TENM3: variants seen among roughly 807,000 people sequenced by gnomAD.
TENM3 encodes teneurin transmembrane protein 3, also known as teneurin-3.
In TENM3, 63 loss-of-function variants were observed where a neutral mutation model predicts 255.1. That is an observed-to-expected ratio of 0.25 (90% CI 0.20 to 0.30). The LOEUF (loss-of-function observed/expected upper bound fraction) is 0.30. TENM3 is among the 10% of genes least tolerant of loss of function. TENM3 has a pLI of 1.00. For synonymous variants in TENM3, 1,306 were observed against 1,322.3 expected (o/e 0.99, Z 0.27); for missense variants, 2,929 against 3,461.1 (o/e 0.85, Z 3.86).
At chr4:181,929,770 CAT>C in the TENM3 span, among the ~76,000 whole-genome samples, 1 of 152,178 alleles carries the variant, frequency 6.6e-6, no homozygotes, top group African/African-American at 2.4e-5. Flanking sequence ...AAATTAACCA[CAT>C]AATAGGAGGT....
the TENM3 span, among the ~76,000 whole-genome samples, chr4:181,580,406 G>A: frequency 6.6e-6 from 1 of 152,174 alleles, no homozygotes; most frequent in African/African-American, 2.4e-5. Context: ...CCCATTTGTG[G>A]AGCCCAGCAG....
chr4:182,215,721 G>A (rs1193412490), intron 1 of TENM3, among the ~76,000 whole-genome samples: 3 of 152,076 alleles, frequency 2.0e-5, no homozygotes, highest in Non-Finnish European at 2.9e-5. Context: ...GTTCACACAC[G>A]GGTCTTTTTA....
At chr4:182,345,126 T>C (rs17073106) in intron 2 of TENM3, among the ~76,000 whole-genome samples, 9,704 of 152,280 alleles carry the variant, frequency 0.064, 356 homozygotes, top group Non-Finnish European at 0.083. Context: ...TATTTATGAG[T>C]GTCATTGTCG....
chr4:181,569,276 G>A, the TENM3 span, among the ~76,000 whole-genome samples: 4 of 152,174 alleles, frequency 2.6e-5, no homozygotes, highest in South Asian at 4.1e-4. Context: ...AGTTCACCAC[G>A]TCCTTGTTTA....
intron 3 of TENM3, among the ~76,000 whole-genome samples, chr4:182,493,877 A>G (rs1209509038): frequency 6.6e-6 from 1 of 152,178 alleles, no homozygotes; most frequent in African/African-American, 2.4e-5. Flanking sequence ...TTGACCTAGA[A>G]CTGTAAAAAT....
intron 1 of TENM3, among the ~76,000 whole-genome samples, chr4:182,161,973 A>ATATTTGTGTGTGTGTG (rs1751377504): frequency 3.5e-5 from 2 of 56,568 alleles, no homozygotes; most frequent in Admixed American, 1.6e-4. Flanking sequence ...ATATATATAT[A>ATATTTGTGTGTGTGTG]TATATATATA....
the TENM3 span, among the ~76,000 whole-genome samples, chr4:181,917,094 A>G: frequency 6.6e-5 from 10 of 152,142 alleles, no homozygotes; most frequent in African/African-American, 2.2e-4. Flanking sequence ...GTCTAAAAAT[A>G]TTTATTGAGC....
chr4:181,801,050 A>C, the TENM3 span, among the ~76,000 whole-genome samples: 1 of 152,148 alleles, frequency 6.6e-6, no homozygotes, highest in Non-Finnish European at 1.5e-5. Flanking sequence ...GGTAGAAGGA[A>C]TAGTTCAAAG....
intron 1 of TENM3, among the ~76,000 whole-genome samples, chr4:182,220,987 C>T (rs1180247821): frequency 1.3e-5 from 2 of 152,180 alleles, no homozygotes; most frequent in East Asian, 1.9e-4. Context: ...TGTTTTACCC[C>T]TTCGCTTAAT....
the TENM3 span, among the ~76,000 whole-genome samples, chr4:181,747,042 A>G: frequency 2.0e-5 from 3 of 152,214 alleles, no homozygotes; most frequent in African/African-American, 7.2e-5. Context: ...TTCCTATCAG[A>G]GGGTCAAGGG....
chr4:182,321,789 C>T (rs1462081367), intron 1 of TENM3, among the ~76,000 whole-genome samples: 1 of 151,784 alleles, frequency 6.6e-6, no homozygotes, highest in African/African-American at 2.4e-5. Context: ...ATTAAAAATA[C>T]AAAGAAGTAG....
chr4:181,980,852 C>CT, the TENM3 span, among the ~76,000 whole-genome samples: 63 of 150,980 alleles, frequency 4.2e-4, no homozygotes, highest in African/African-American at 1.4e-3. Context: ...CCTATTTTTT[C>CT]TTTTTTTTTA....
In TENM3 at chr4:182,324,265, C is replaced by T; in HGVS notation, c.232+13C>T. 9 of 1,585,178 alleles carry T rather than the reference C, an allele frequency of 5.7e-6. No homozygotes were observed. Among genetic ancestry groups the T allele is most frequent in the Non-Finnish European group, 7.8e-6 (9 of 1,153,638 alleles). On this transcript the variant is annotated intron_variant, in intron 2 of 27. Transcript: ENST00000511685. The stretch of plus-strand genomic sequence containing the variant: ...TTCACTAGACAAGGTGGGTAACTGT[C>T]CTAGTAAAATAAGGCAATGCTCACG...
At chr4:181,772,469 G>A in the TENM3 span, among the ~76,000 whole-genome samples, 1 of 152,106 alleles carries the variant, frequency 6.6e-6, no homozygotes, top group Non-Finnish European at 1.5e-5. Context: ...TAGCACTGTA[G>A]CTCCTTTCCT....
intron 19 of TENM3, among the ~76,000 whole-genome samples, chr4:182,748,425 C>A (rs1762154491): frequency 6.6e-6 from 1 of 152,110 alleles, no homozygotes. Flanking sequence ...AGATAGATTA[C>A]TGACCTAAAA....
the TENM3 span, among the ~76,000 whole-genome samples, chr4:182,019,483 C>A: frequency 1.3e-5 from 2 of 152,172 alleles, no homozygotes; most frequent in Non-Finnish European, 2.9e-5. Context: ...CCCCTCAATT[C>A]AACACAGAGA....
At chr4:181,854,817 T>A in the TENM3 span, among the ~76,000 whole-genome samples, 76 of 152,302 alleles carry the variant, frequency 5.0e-4, no homozygotes, top group Middle Eastern at 6.8e-3. Flanking sequence ...TGCTAGCTAG[T>A]GATGAACTTA....
rs1231696231 is a variant in TENM3 at position 182,642,448 on chromosome 4, G to A, written c.989-11323G>A. ...CGTAGTTCAGAAAGAAAAAATGCAA[G>A]GAAACTTTCAAGTAGAATTGTTTAA... is the stretch of plus-strand genomic sequence containing the variant. On this transcript the variant is annotated intron_variant, in intron 5 of 27. Coordinates refer to ENST00000511685, the MANE Select transcript of TENM3 (RefSeq NM_001080477.4). Among the ~76,000 whole-genome samples, 4 of 152,132 alleles carry A rather than the reference G, an allele frequency of 2.6e-5. 1 individual carries two copies. Among genetic ancestry groups the A allele is most frequent in the South Asian group, 4.1e-4 (2 of 4,830 alleles).
At chr4:181,817,502 C>A in the TENM3 span, among the ~76,000 whole-genome samples, 1 of 152,168 alleles carries the variant, frequency 6.6e-6, no homozygotes, top group Admixed American at 6.6e-5. Context: ...TAACCCACAC[C>A]TAGAGATGAA....
Sources: gnomAD v4.1 joint callset for allele counts (sites outside exome capture counted in the v4.1 genomes callset) on GRCh38, gnomAD v4.1.1 for gene constraint, MANE v1.5 for transcripts, NCBI Gene and HGNC (gene_info 2026-07-23, HGNC 2026-07-21) for gene names.